The following CDHR4 variants were observed in gnomAD, a reference collection of about 807,000 sequenced individuals.
CDHR4 encodes the protein cadherin related family member 4.
CDHR4 carries 89 observed loss-of-function variants against 88.4 expected under a neutral mutation model. The ratio of observed to expected loss-of-function variants is 1.01; its 90% CI spans 0.85 to 1.20. The LOEUF (loss-of-function observed/expected upper bound fraction) is 1.20. Among genes scored for constraint, CDHR4 ranks in the 50% most tolerant of loss-of-function variants. The probability of loss-of-function intolerance (pLI) is 0.00; values close to 1 mark genes in which losing one functional copy is unlikely to be tolerated. For missense variants in CDHR4, 914 were observed against 1,007.2 expected (o/e 0.91, Z 1.25); for synonymous variants, 368 against 399.2 (o/e 0.92, Z 0.93).
intron 18 of CDHR4, among the ~76,000 whole-genome samples, 194 bp downstream of exon 18, chr3:49,791,247 G>A (rs1246575252): frequency 1.3e-5 from 2 of 152,160 alleles, no homozygotes; most frequent in Non-Finnish European, 2.9e-5. Context: ...GTCATCTCCT[G>A]ACCCCCTAGA....
In CDHR4 at chr3:49,799,318, T is replaced by G. The variant is rs1222278783; in HGVS notation, c.169A>C (p.Asn57His). The G allele has an allele frequency of 6.2e-7, 1 of 1,613,908 alleles. No individual in the cohort carries two copies. Among genetic ancestry groups the G allele is most frequent in the Non-Finnish European group, 8.5e-7 (1 of 1,179,846 alleles). ...AAGAAGGTGGTGGGTGGCTGGACAT[T>G]GAGCAACTCCAGGGTGGGTGTGGGC... is the stretch of plus-strand genomic sequence containing the variant. ...YTPTPTLELL[N>H]VQPPTTFFNP... The change falls in exon 2 of 19, where the codon AAT becomes CAT. Residue 57 changes from asparagine to histidine, a missense_variant. By Grantham distance (68) the Asn-to-His change is moderately conservative. Transcript: ENST00000412678.
At chr3:49,791,373 G>C in intron 18 of CDHR4, 68 bp downstream of exon 18, 1 of 1,476,220 alleles carries the variant, frequency 6.8e-7, no homozygotes, top group Non-Finnish European at 9.1e-7. Context: ...ATGGGGTAAA[G>C]AGAGGAGGAG....
At chr3:49,801,429 C>T (rs1321953570), upstream of CDHR4, among the ~76,000 whole-genome samples, 1 of 152,214 alleles carries the variant, frequency 6.6e-6, no homozygotes, top group African/African-American at 2.4e-5. Context: ...TTATCCAGGC[C>T]TATGGCCTTA....
At position 49,794,620 on chromosome 3, in the gene CDHR4, G is replaced by C; in HGVS notation, c.1267C>G (p.Pro423Ala). 1 of 1,550,750 alleles carries C rather than the reference G, an allele frequency of 6.4e-7. No individual in the cohort carries two copies. The highest frequency in any genetic ancestry group is 1.2e-5 in the South Asian group (1 of 83,918). ...TGTGGTCACTCACTGGTCATCTGGG[G>C]CTGGCCACCATCGAGCACCAGGATG... ...ASILVLDGGQ[P>A]QMTTEVPVLV... Residue 423 changes from proline (P) to alanine (A), a missense_variant, in exon 10 of 19, where the codon CCC becomes GCC. Transcript: ENST00000412678.
upstream of CDHR4, among the ~76,000 whole-genome samples, chr3:49,802,558 C>G (rs2081376106): frequency 6.6e-6 from 1 of 152,226 alleles, no homozygotes; most frequent in South Asian, 2.1e-4. Context: ...CCCTCATTCC[C>G]TGGTATTTTC....
chr3:49,795,166 G>A lies in CDHR4; in HGVS notation c.1031+30C>T. The A allele has an allele frequency of 1.3e-6, 2 of 1,551,550 alleles. No individual in the cohort carries two copies. The highest frequency in any genetic ancestry group is 1.7e-6 in the Non-Finnish European group (2 of 1,146,918). Reference sequence around the variant, plus strand: ...ACCCTGAGTCATGGCTCTGACCCCAGCAGCCCAAGTATGGTTCCCGGGTAC... The same window carrying A: ...ACCCTGAGTCATGGCTCTGACCCCAACAGCCCAAGTATGGTTCCCGGGTAC... On this transcript the variant is annotated intron_variant, in intron 8 of 18. Transcript: ENST00000412678. The surrounding 1 kb of genome is among the most constrained non-coding windows in gnomAD (Gnocchi z 5.4).
chr3:49,801,764 C>T (rs1443058080), upstream of CDHR4, among the ~76,000 whole-genome samples: 1 of 152,232 alleles, frequency 6.6e-6, no homozygotes, highest in African/African-American at 2.4e-5. Context: ...AAACATACCC[C>T]AAAGTGACCC....
upstream of CDHR4, among the ~76,000 whole-genome samples, chr3:49,802,874 CT>C: frequency 6.6e-6 from 1 of 152,394 alleles, no homozygotes; most frequent in African/African-American, 2.4e-5. Context: ...CAAGGCCAGC[CT>C]CACGAATGGG....
At chr3:49,799,958 G>A (rs898335128), upstream of CDHR4, 3 of 717,652 alleles carry the variant, frequency 4.2e-6, no homozygotes, top group Non-Finnish European at 2.3e-6. Flanking sequence ...CCCATCCCTG[G>A]TGACTGAGTT....
upstream of CDHR4, among the ~76,000 whole-genome samples, chr3:49,801,486 T>C (rs1301970149): frequency 6.6e-6 from 1 of 152,186 alleles, no homozygotes; most frequent in Non-Finnish European, 1.5e-5. Context: ...AAGGCTCCAG[T>C]GCTGATCTCT....
chr3:49,798,751 C>T (rs1430136456), intron 4 of CDHR4, 75 bp downstream of exon 4: 6 of 1,417,476 alleles, frequency 4.2e-6, no homozygotes, highest in Admixed American at 1.9e-5. Flanking sequence ...TGTGCCTGGC[C>T]AGGTGGGGGT....
At position 49,795,090 on chromosome 3, in the gene CDHR4, G is replaced by A. The variant is rs2081248121; in HGVS notation, c.1042C>T (p.Pro348Ser). 1.9e-6 allele frequency: 3 copies of A among 1,551,554 alleles called. No individual in the cohort carries two copies. The highest frequency in any genetic ancestry group is 1.4e-5 in the African/African-American group (1 of 73,046). The change falls in exon 9 of 19, where the codon CCG becomes TCG. Residue 348 changes from proline (P) to serine (S), a missense_variant. Transcript: ENST00000412678. The surrounding 1 kb of genome is among the most constrained non-coding windows in gnomAD (Gnocchi z 5.4). The part of the protein sequence containing the change: ...CLPALLVSQI[P>S]ETAPVGTVLN... The stretch of plus-strand genomic sequence containing the variant: ...ACGGTGCCCACGGGTGCAGTCTCCG[G>A]GATTTGGGACCTGAGAGTATGCAGT...
Position 49,795,844 on chromosome 3 carries a change from C to T in CDHR4, c.711-80G>A. Reference sequence around the variant, plus strand: ...CACAGCTTCCTTCCCTGGGCCCCCTCCTGTCAGGGCTGGGACTCAGCTCCA... The same window carrying T: ...CACAGCTTCCTTCCCTGGGCCCCCTTCTGTCAGGGCTGGGACTCAGCTCCA... On this transcript the variant is annotated intron_variant, in intron 6 of 18. Transcript: ENST00000412678. The surrounding 1 kb of genome is among the most constrained non-coding windows in gnomAD (Gnocchi z 5.4). 6.5e-7 allele frequency: 1 copy of T among 1,531,798 alleles called. No individual in the cohort carries two copies. The highest frequency in any genetic ancestry group is 8.8e-7 in the Non-Finnish European group (1 of 1,135,040). The allele number at this position is 1,531,798 out of a possible 1,614,324, so 94.9% of individuals were successfully genotyped here.
At position 49,795,087 on chromosome 3, in the gene CDHR4, C is replaced by T. The variant is rs1249145503; in HGVS notation, c.1045G>A (p.Glu349Lys). Residue 349 changes from glutamate (E) to lysine (K), a missense_variant, in exon 9 of 19, where the codon GAG becomes AAG. Coordinates refer to ENST00000412678, the MANE Select transcript of CDHR4 (RefSeq NM_001007540.4). The surrounding 1 kb of genome is among the most constrained non-coding windows in gnomAD (Gnocchi z 5.4). ...AGCACGGTGCCCACGGGTGCAGTCT[C>T]CGGGATTTGGGACCTGAGAGTATGC... ...LPALLVSQIPETAPVGTVLNT... is the reference protein window; with the variant it reads ...LPALLVSQIPKTAPVGTVLNT... 1.3e-6 allele frequency: 2 copies of T among 1,551,584 alleles called. No homozygotes were observed. Among genetic ancestry groups the T allele is most frequent in the Non-Finnish European group, 1.7e-6 (2 of 1,147,018 alleles).
At chr3:49,796,196 C>CA (rs1240590501) in intron 5 of CDHR4, 150 bp from the exon 6 acceptor site, 1 of 583,526 alleles carries the variant, frequency 1.7e-6, no homozygotes, top group African/African-American at 1.9e-5. Context: ...CATGACCTGT[C>CA]ACTCTGCTGA....
chr3:49,798,391 C>G (rs2081305219), intron 4 of CDHR4: 1 of 173,530 alleles, frequency 5.8e-6, no homozygotes, highest in Non-Finnish European at 1.2e-5. Flanking sequence ...TCGAGACCAT[C>G]CTGGCTAACA....
chr3:49,791,577 G>C, intron 17 of CDHR4, 109 bp from the exon 18 acceptor site: 3 of 1,474,828 alleles, frequency 2.0e-6, no homozygotes, highest in Non-Finnish European at 2.8e-6. Context: ...CCTCCATTCT[G>C]ATGGTGCTAG....
rs747570085 is a variant in CDHR4, at chr3:49,792,607, G to A, written c.1999C>T (p.Pro667Ser). Residue 667 changes from proline to serine, a missense_variant, in exon 15 of 19, where the codon CCC becomes TCC. Coordinates refer to ENST00000412678, the MANE Select transcript of CDHR4 (RefSeq NM_001007540.4). ...ACGAGCATGGGTGTCATCGTTGAGG[G>A]CACCTGAAAAGGAGGCCACAGCCTC... ...VATSTHRTTV[P>S]STMTPMLVTD... 6.4e-7 allele frequency: 1 copy of A among 1,551,620 alleles called. No homozygotes were observed. The highest frequency in any genetic ancestry group is 1.2e-5 in the South Asian group (1 of 84,052).
At chr3:49,790,917 G>C in intron 18 of CDHR4, 30 bp from the exon 19 acceptor site, 2 of 1,534,230 alleles carry the variant, frequency 1.3e-6, no homozygotes, top group Non-Finnish European at 1.8e-6. Context: ...GAGGAGAGCA[G>C]GGGGTGCTGC....
Sources: allele counts gnomAD v4.1 joint callset (sites outside exome capture counted in the v4.1 genomes callset), GRCh38; gene constraint gnomAD v4.1.1; non-coding constraint Gnocchi (gnomAD v3.1); transcripts MANE v1.5; gene names NCBI Gene and HGNC (gene_info 2026-07-23, HGNC 2026-07-21).